Variants in COL24A1 observed in about 807,000 individuals in gnomAD.
COL24A1 encodes the protein collagen type XXIV alpha 1 chain.
COL24A1 carries 224 observed loss-of-function variants against 253.9 expected under a neutral mutation model. That is an observed-to-expected ratio of 0.88 (90% CI 0.79 to 0.99). The LOEUF (loss-of-function observed/expected upper bound fraction) is 0.99, where lower values mean the gene tolerates loss of function less well. Ranked by LOEUF, COL24A1 falls within the 50% of genes least tolerant of loss-of-function variation. The pLI is 0.00. For missense variants in COL24A1, 2,131 were observed against 2,068.5 expected (o/e 1.03, Z -0.59); for synonymous variants, 685 against 673.7 (o/e 1.02, Z -0.26).
chr1:85,873,897 A>G (rs539306474), intron 35 of COL24A1, among the ~76,000 whole-genome samples: 7 of 152,234 alleles, frequency 4.6e-5, no homozygotes, highest in African/African-American at 1.7e-4. Context: ...GCAGAAATGT[A>G]GAGCCATACT....
intron 18 of COL24A1, among the ~76,000 whole-genome samples, chr1:86,020,025 A>G (rs1053794368): frequency 6.7e-6 from 1 of 150,276 alleles, no homozygotes; most frequent in African/African-American, 2.4e-5. Context: ...GGAACCTTAC[A>G]TATGATATGG....
intron 5 of COL24A1, among the ~76,000 whole-genome samples, chr1:86,097,229 T>C (rs1043613659): frequency 1.3e-5 from 2 of 152,182 alleles, no homozygotes; most frequent in African/African-American, 4.8e-5. Flanking sequence ...AAGTTGTTTC[T>C]GTTAGCTAGG....
At chr1:86,113,456 T>C (rs1405410686) in intron 4 of COL24A1, among the ~76,000 whole-genome samples, 1 of 152,200 alleles carries the variant, frequency 6.6e-6, no homozygotes, top group Non-Finnish European at 1.5e-5. Flanking sequence ...TCTGAATTAA[T>C]AGAGCAGAAT....
At chr1:86,142,085 G>A (rs1001111786) in intron 2 of COL24A1, among the ~76,000 whole-genome samples, 5 of 151,196 alleles carry the variant, frequency 3.3e-5, no homozygotes, top group African/African-American at 1.2e-4. Context: ...CAAAAATTTA[G>A]AACAAAGACA....
intron 20 of COL24A1, among the ~76,000 whole-genome samples, chr1:85,974,736 T>C (rs1692498099): frequency 6.6e-6 from 1 of 152,164 alleles, no homozygotes; most frequent in Non-Finnish European, 1.5e-5. Flanking sequence ...GTTTCATATT[T>C]ATCATATGTT....
At chr1:86,071,286 C>T (rs1369751629) in intron 7 of COL24A1, among the ~76,000 whole-genome samples, 2 of 151,778 alleles carry the variant, frequency 1.3e-5, no homozygotes, top group East Asian at 3.9e-4. Flanking sequence ...AAGCATACTA[C>T]TAGATAAAAA....
At chr1:85,891,986 G>C (rs1683178646) in intron 31 of COL24A1, among the ~76,000 whole-genome samples, 1 of 152,148 alleles carries the variant, frequency 6.6e-6, no homozygotes, top group Non-Finnish European at 1.5e-5. Flanking sequence ...TGATGACCAT[G>C]AGGATAATAA....
chr1:86,010,262 A>T (rs1696369628), intron 19 of COL24A1, among the ~76,000 whole-genome samples: 1 of 152,168 alleles, frequency 6.6e-6, no homozygotes, highest in Non-Finnish European at 1.5e-5. Context: ...AACACTACAA[A>T]CAAAGTCAAA....
intron 5 of COL24A1, among the ~76,000 whole-genome samples, chr1:86,105,652 G>GC (rs34262653): frequency 0.4 from 60,088 of 151,906 alleles, 12,693 homozygotes; most frequent in East Asian, 0.53. Flanking sequence ...GGCATTCCTG[G>GC]CCATGCTCCA....
chr1:85,763,523 G>A (rs191218126), intron 53 of COL24A1, among the ~76,000 whole-genome samples: 109 of 120,140 alleles, frequency 9.1e-4, no homozygotes, highest in African/African-American at 3.1e-3. Flanking sequence ...ACGTAGTTTC[G>A]CTCTGTTTCC....
At chr1:85,956,717 G>A (rs1181986244) in intron 24 of COL24A1, among the ~76,000 whole-genome samples, 1 of 152,140 alleles carries the variant, frequency 6.6e-6, no homozygotes, top group African/African-American at 2.4e-5. Context: ...TATAAAATAT[G>A]AGACCAGAAA....
chr1:86,027,368 C>A (rs989828088), intron 14 of COL24A1, among the ~76,000 whole-genome samples: 1 of 152,086 alleles, frequency 6.6e-6, no homozygotes, highest in Non-Finnish European at 1.5e-5. Context: ...GGCCCAGAGG[C>A]CTAGGAGAAA....
At chr1:86,118,316 G>T (rs2102210285) in intron 3 of COL24A1, among the ~76,000 whole-genome samples, 1 of 152,238 alleles carries the variant, frequency 6.6e-6, no homozygotes, top group South Asian at 2.1e-4. Flanking sequence ...CCCTGCCTTG[G>T]CCTCCCAAAG....
intron 5 of COL24A1, among the ~76,000 whole-genome samples, chr1:86,108,196 C>T (rs74097671): frequency 0.04 from 6,012 of 152,020 alleles, 411 homozygotes; most frequent in African/African-American, 0.14. Flanking sequence ...ATTTTTGATA[C>T]ATATTTTCTG....
At chr1:85,988,826 C>T (rs1024627210) in intron 19 of COL24A1, among the ~76,000 whole-genome samples, 9 of 151,964 alleles carry the variant, frequency 5.9e-5, no homozygotes, top group Non-Finnish European at 8.8e-5. Flanking sequence ...ACGAATGCCT[C>T]GACTCAGATT....
At position 85,841,082 on chromosome 1, in the gene COL24A1, A is replaced by G. The variant is rs1327591506; in HGVS notation, c.3627+140T>C. 1.8e-5 allele frequency: 11 copies of G among 619,050 alleles called. No individual in the cohort carries two copies. The East Asian group carries it at 3.5e-4, about 20-fold the overall frequency. The allele number at this position is 619,050 out of a possible 1,614,324, so 38.3% of individuals were successfully genotyped here. ...TTAATATCATTTAAATTTTGTGACCATAAATATCACCCTCCTATCAAACCA... is the reference window on the plus strand; with the variant it reads ...TTAATATCATTTAAATTTTGTGACCGTAAATATCACCCTCCTATCAAACCA... On this transcript the variant is annotated intron_variant, in intron 42 of 59. Transcript: ENST00000370571.
In COL24A1 at chr1:85,786,345, T is replaced by C; in HGVS notation, c.4059+9A>G. On this transcript the variant is annotated intron_variant, in intron 48 of 59. Transcript: ENST00000370571. The stretch of plus-strand genomic sequence containing the variant: ...ACTGCTTACCCATTGGAACAAAATA[T>C]TAAAGTACCTTTGGGCCTTGAATTC... 6.2e-7 allele frequency: 1 copy of C among 1,612,928 alleles called. No homozygotes were observed. The highest frequency in any genetic ancestry group is 8.5e-7 in the Non-Finnish European group (1 of 1,179,198).
intron 47 of COL24A1, among the ~76,000 whole-genome samples, chr1:85,803,478 C>G (rs1419250745): frequency 2.7e-5 from 4 of 146,722 alleles, no homozygotes; most frequent in African/African-American, 1.0e-4. Flanking sequence ...AAAACAAAAA[C>G]AACAATATAG....
At chr1:86,127,086 A>C (rs1331473954) in intron 2 of COL24A1, among the ~76,000 whole-genome samples, 1 of 152,070 alleles carries the variant, frequency 6.6e-6, no homozygotes, top group Non-Finnish European at 1.5e-5. Flanking sequence ...CTACGCTTAA[A>C]GTATTCTGGT....
Sources: allele counts gnomAD v4.1 joint callset (sites outside exome capture counted in the v4.1 genomes callset), GRCh38; gene constraint gnomAD v4.1.1; transcripts MANE v1.5; gene names NCBI Gene and HGNC (gene_info 2026-07-23, HGNC 2026-07-21).